The following ADD3 variants were observed in gnomAD, a reference collection of about 807,000 sequenced individuals.
ADD3 encodes the protein adducin 3, also known as gamma-adducin.
A neutral mutation model predicts 80.2 loss-of-function variants in ADD3; 25 were observed. The ratio of observed to expected loss-of-function variants is 0.31; its 90% CI spans 0.23 to 0.44. The LOEUF is 0.44. ADD3 is among the 20% of genes least tolerant of loss of function. The pLI, the probability that ADD3 is intolerant of heterozygous loss-of-function variation, is 1.00. For missense variants in ADD3, 829 were observed against 847.5 expected (o/e 0.98, Z 0.27); for synonymous variants, 284 against 289.6 (o/e 0.98, Z 0.20).
At chr10:110,045,829 C>T (rs773096274) in intron 1 of ADD3, among the ~76,000 whole-genome samples, 7 of 152,168 alleles carry the variant, frequency 4.6e-5, no homozygotes, top group Non-Finnish European at 7.3e-5. Context: ...AATTAACTCT[C>T]GTACATACTG....
chr10:110,050,301 G>A (rs1010607991), intron 1 of ADD3, among the ~76,000 whole-genome samples: 3 of 152,056 alleles, frequency 2.0e-5, no homozygotes, highest in African/African-American at 4.8e-5. Context: ...GACCCAGTGG[G>A]AGATATTTGA....
rs1848743717 is a variant in ADD3 at position 110,100,927 on chromosome 10, A to AAC, written c.195+79_195+80insAC. 21 of 1,340,218 alleles carry AAC rather than the reference A, an allele frequency of 1.6e-5. No individual in the cohort carries two copies. In the East Asian group the frequency reaches 5.1e-4, roughly 32 times the overall value. The allele number at this position is 1,340,218 out of a possible 1,614,324, so 83.0% of individuals were successfully genotyped here. On this transcript the variant is annotated intron_variant, in intron 2 of 14. Transcript: ENST00000356080. The stretch of plus-strand genomic sequence containing the variant: ...AATAAGGTAGAAGTTTTCTCAAACT[A>AAC]CCCTCAGGTTAAAAGAGGGGTGGAG...
In ADD3 at chr10:110,085,614, A is replaced by G. The variant is rs527303115; in HGVS notation, c.-29-15011A>G. On this transcript the variant is annotated intron_variant, in intron 1 of 14. Transcript: ENST00000356080. ...TGCATGGCATCGGAGATCTACTGCC[A>G]TATGCAAAGATGTGAGCTATCAGGT... Among the ~76,000 whole-genome samples the G allele has an allele frequency of 7.9e-4, 120 of 152,354 alleles. 1 individual carries two copies. Among genetic ancestry groups the G allele is most frequent in the African/African-American group, 2.8e-3 (117 of 41,592 alleles).
intron 1 of ADD3, among the ~76,000 whole-genome samples, chr10:110,033,540 T>C (rs565875759): frequency 6.6e-6 from 1 of 152,302 alleles, no homozygotes; most frequent in East Asian, 1.9e-4. Context: ...TTGGGATCCA[T>C]CCAGCTGGCA....
At chr10:110,055,916 T>C (rs1295179443) in intron 1 of ADD3, among the ~76,000 whole-genome samples, 1 of 152,234 alleles carries the variant, frequency 6.6e-6, no homozygotes, top group Non-Finnish European at 1.5e-5. Context: ...TATACAAATT[T>C]TCTCAATGGA....
upstream of ADD3, among the ~76,000 whole-genome samples, chr10:110,004,281 TC>T (rs1205140433): frequency 2.7e-5 from 4 of 150,354 alleles, no homozygotes; most frequent in African/African-American, 9.8e-5. Context: ...ACGCCTGTAA[TC>T]CCAGCACTTT....
intron 1 of ADD3, among the ~76,000 whole-genome samples, chr10:110,081,561 C>CAA (rs1846062543): frequency 6.6e-6 from 1 of 152,170 alleles, no homozygotes; most frequent in South Asian, 2.1e-4. Flanking sequence ...GCACACTCTT[C>CAA]TGTATGAGGC....
chr10:110,085,587 TCTG>T (rs1480563067), intron 1 of ADD3, among the ~76,000 whole-genome samples: 1 of 152,046 alleles, frequency 6.6e-6, no homozygotes, highest in East Asian at 1.9e-4. Context: ...ACCAGGGAGA[TCTG>T]CATGGCATCG....
chr10:110,123,547 CTT>C (rs1054211139), intron 9 of ADD3, among the ~76,000 whole-genome samples: 13 of 152,070 alleles, frequency 8.5e-5, no homozygotes, highest in African/African-American at 2.7e-4. Context: ...GGGTTCTTCT[CTT>C]GTTATTTTTT....
chr10:110,079,451 AGAGAGAGAGAGTGTGTGTGTGTGTGT>A (rs1845779850), intron 1 of ADD3, among the ~76,000 whole-genome samples: 3 of 132,778 alleles, frequency 2.3e-5, no homozygotes, highest in African/African-American at 6.5e-5. Flanking sequence ...AGAGAGAGAG[AGAGAGAGAGAGTGTGTGTGTGTGTGT>A]GTGTGTGTGT....
intron 1 of ADD3, among the ~76,000 whole-genome samples, chr10:110,057,720 G>GA (rs1259024067): frequency 6.6e-6 from 1 of 152,122 alleles, no homozygotes; most frequent in East Asian, 1.9e-4. Context: ...TCTCCACTGA[G>GA]ACCCCAGCAT....
intron 1 of ADD3, among the ~76,000 whole-genome samples, chr10:110,024,491 T>C (rs1321819423): frequency 6.6e-6 from 1 of 152,220 alleles, no homozygotes. Flanking sequence ...CTTTGTTGCA[T>C]GCACAGTTGA....
At chr10:110,025,938 T>A (rs1053535742) in intron 1 of ADD3, among the ~76,000 whole-genome samples, 7 of 151,962 alleles carry the variant, frequency 4.6e-5, no homozygotes, top group African/African-American at 9.7e-5. Flanking sequence ...AAAAAAAAAA[T>A]TTCATCGAAT....
chr10:110,022,119 A>T (rs924580358), intron 1 of ADD3, among the ~76,000 whole-genome samples: 3 of 152,008 alleles, frequency 2.0e-5, no homozygotes, highest in Non-Finnish European at 2.9e-5. Flanking sequence ...GATACTTGAT[A>T]ACTCAGGGGT....
At chr10:110,039,377 A>T (rs749801663) in intron 1 of ADD3, among the ~76,000 whole-genome samples, 2 of 152,018 alleles carry the variant, frequency 1.3e-5, no homozygotes, top group Non-Finnish European at 2.9e-5. Flanking sequence ...ATTTAGGTGG[A>T]GGGACTAATG....
rs553043997 is a variant in ADD3 at position 110,126,194 on chromosome 10, G to C, written c.1522-223G>C. 7.7e-4 allele frequency among the ~76,000 whole-genome samples: 117 copies of C among 152,190 alleles called. 1 individual carries two copies. Among genetic ancestry groups the C allele is most frequent in the Non-Finnish European group, 1.4e-3 (98 of 68,020 alleles). Reference sequence around the variant, plus strand: ...AGAACCCTGCTATTAGGGGGAAAATGCAGTTCTCTAACAACCTAAGACGAA... The same window carrying C: ...AGAACCCTGCTATTAGGGGGAAAATCCAGTTCTCTAACAACCTAAGACGAA... On this transcript the variant is annotated intron_variant, in intron 11 of 14. Transcript: ENST00000356080.
chr10:110,100,349 C>CAAAAA (rs750807063), intron 1 of ADD3, among the ~76,000 whole-genome samples: 1 of 74,976 alleles, frequency 1.3e-5, no homozygotes, highest in Admixed American at 1.6e-4. Context: ...GACTCCATCT[C>CAAAAA]AAAAAAAAAA....
intron 1 of ADD3, among the ~76,000 whole-genome samples, chr10:110,053,737 A>C (rs1487803996): frequency 6.6e-6 from 1 of 152,158 alleles, no homozygotes; most frequent in Non-Finnish European, 1.5e-5. Context: ...GAGTAGGTAA[A>C]ATTCCCCTAG....
At chr10:110,044,785 T>G (rs1423516032) in intron 1 of ADD3, among the ~76,000 whole-genome samples, 1 of 152,256 alleles carries the variant, frequency 6.6e-6, no homozygotes, top group Non-Finnish European at 1.5e-5. Context: ...TGATTTATAC[T>G]TTGGGACTAG....
Sources: gnomAD v4.1 joint callset for allele counts (sites outside exome capture counted in the v4.1 genomes callset) on GRCh38, gnomAD v4.1.1 for gene constraint, MANE v1.5 for transcripts, NCBI Gene and HGNC (gene_info 2026-07-23, HGNC 2026-07-21) for gene names.